Variants in MYO5A observed in about 807,000 individuals in gnomAD.
MYO5A encodes myosin VA.
A neutral mutation model predicts 249.7 loss-of-function variants in MYO5A; 98 were observed. The ratio of observed to expected loss-of-function variants is 0.39; its 90% CI spans 0.33 to 0.46. The LOEUF (loss-of-function observed/expected upper bound fraction) is 0.46. Among genes scored for constraint, MYO5A ranks in the 20% least tolerant of loss-of-function variants. MYO5A has a pLI of 0.98. For synonymous variants in MYO5A, 778 were observed against 810.6 expected (o/e 0.96, Z 0.68); for missense variants, 1,696 against 2,308.8 (o/e 0.73, Z 5.44).
At chr15:52,408,211 G>T in intron 6 of MYO5A, 71 bp from the exon 7 acceptor site, 1 of 865,886 alleles carries the variant, frequency 1.2e-6, no homozygotes, top group South Asian at 1.5e-5. Context: ...CATAAAATAA[G>T]ATTTTAATAT....
intron 35 of MYO5A, among the ~76,000 whole-genome samples, chr15:52,329,365 G>A (rs542138242): frequency 1.6e-3 from 249 of 152,292 alleles, no homozygotes; most frequent in African/African-American, 5.7e-3. Context: ...GGCACCTGGC[G>A]GGAGGAATGC....
Position 52,471,499 on chromosome 15 carries a change from A to G in MYO5A, c.28-38214T>C, listed in dbSNP as rs1457902231. On this transcript the variant is annotated intron_variant, in intron 1 of 41. Coordinates refer to ENST00000399233, the MANE Select transcript of MYO5A (RefSeq NM_001382347.1). ...GCCAGGCATGGTAGTGTGCACCTGT[A>G]GTCCCAGCTACTTGGGACACTGAGG... Among the ~76,000 whole-genome samples the G allele has an allele frequency of 3.3e-5, 5 of 152,016 alleles. No homozygotes were observed. The East Asian group carries it at 7.7e-4, about 24-fold the overall frequency.
chr15:52,343,006 C>T lies in MYO5A; in HGVS notation c.4040+111G>A, dbSNP rs2039451581. Reference sequence around the variant, plus strand: ...TAACACAATTACTAACACTAATTTACCCAAGAAGACAATCAATGCACAAGA... The same window carrying T: ...TAACACAATTACTAACACTAATTTATCCAAGAAGACAATCAATGCACAAGA... On this transcript the variant is annotated intron_variant, in intron 31 of 41. Transcript: ENST00000399233. The T allele has an allele frequency of 4.6e-6, 4 of 866,572 alleles. No individual in the cohort carries two copies. In the African/African-American group the frequency reaches 5.0e-5, roughly 11 times the overall value. The allele number at this position is 866,572 out of a possible 1,614,324, so 53.7% of individuals were successfully genotyped here. A position where few individuals can be genotyped will look rare whatever the true frequency, so the allele number is the denominator to read the frequency against.
intron 1 of MYO5A, among the ~76,000 whole-genome samples, chr15:52,449,518 C>T (rs1400496293): frequency 1.3e-5 from 2 of 152,196 alleles, no homozygotes; most frequent in Non-Finnish European, 2.9e-5. Flanking sequence ...GCTCACCTTT[C>T]AGCAGTGTTT....
At chr15:52,489,344 C>G (rs559607719) in intron 1 of MYO5A, among the ~76,000 whole-genome samples, 2 of 151,248 alleles carry the variant, frequency 1.3e-5, no homozygotes, top group Non-Finnish European at 3.0e-5. Context: ...GCGGGCGGAT[C>G]ACGAGGTCAG....
intron 1 of MYO5A, among the ~76,000 whole-genome samples, chr15:52,507,999 A>C (rs2077310572): frequency 1.3e-5 from 2 of 152,154 alleles, no homozygotes; most frequent in Non-Finnish European, 2.9e-5. Flanking sequence ...CTAATCTCTC[A>C]ACTGCCCTAT....
chr15:52,375,198 C>A, intron 20 of MYO5A, 106 bp downstream of exon 20: 1 of 1,167,470 alleles, frequency 8.6e-7, no homozygotes, highest in Non-Finnish European at 1.3e-6. Context: ...CTGGTTGTCC[C>A]CATACAGTTC....
At chr15:52,499,779 T>C (rs2077115435) in intron 1 of MYO5A, among the ~76,000 whole-genome samples, 1 of 152,262 alleles carries the variant, frequency 6.6e-6, no homozygotes, top group East Asian at 1.9e-4. Context: ...TTGTGAATAA[T>C]GCTACTGTGA....
In MYO5A at chr15:52,497,946, A is replaced by G. The variant is rs537727154; in HGVS notation, c.27+30834T>C. The stretch of plus-strand genomic sequence containing the variant: ...ATATCAAAACCTGAGGAATATAGCC[A>G]AAGTGTTGCTTCGAGGGAAATTTAC... On this transcript the variant is annotated intron_variant, in intron 1 of 41. Coordinates refer to ENST00000399233, the MANE Select transcript of MYO5A (RefSeq NM_001382347.1). Among the ~76,000 whole-genome samples, 6 of 152,212 alleles carry G rather than the reference A, an allele frequency of 3.9e-5. No individual in the cohort carries two copies. The East Asian group carries it at 9.6e-4, about 24-fold the overall frequency.
chr15:52,399,708 C>T (rs990094842), intron 9 of MYO5A, among the ~76,000 whole-genome samples: 1 of 151,748 alleles, frequency 6.6e-6, no homozygotes, highest in African/African-American at 2.4e-5. Flanking sequence ...GCTTTGTGCA[C>T]ATGTACACAA....
chr15:52,347,321 G>A (rs1189318032), intron 29 of MYO5A, among the ~76,000 whole-genome samples: 1 of 152,070 alleles, frequency 6.6e-6, no homozygotes, highest in Non-Finnish European at 1.5e-5. Context: ...TTCAGTACAT[G>A]TATCCCAAAA....
intron 40 of MYO5A, among the ~76,000 whole-genome samples, chr15:52,316,771 A>C (rs1284504585): frequency 6.6e-6 from 1 of 152,222 alleles, no homozygotes; most frequent in Non-Finnish European, 1.5e-5. Context: ...TGTTTTGCCT[A>C]TGGGTGTATC....
At chr15:52,364,338 A>G (rs189610029) in intron 24 of MYO5A, among the ~76,000 whole-genome samples, 1 of 152,306 alleles carries the variant, frequency 6.6e-6, no homozygotes, top group African/African-American at 2.4e-5. Flanking sequence ...AGTACTTGTG[A>G]ATAAAATTAT....
intron 1 of MYO5A, among the ~76,000 whole-genome samples, chr15:52,481,107 G>A (rs1025628660): frequency 6.6e-6 from 1 of 152,196 alleles, no homozygotes; most frequent in African/African-American, 2.4e-5. Flanking sequence ...TTGGAGGTTA[G>A]AACTAGCATT....
chr15:52,314,743 CAATT>C (rs1201778995), intron 40 of MYO5A, among the ~76,000 whole-genome samples: 2 of 152,210 alleles, frequency 1.3e-5, no homozygotes, highest in African/African-American at 4.8e-5. Flanking sequence ...AGAAATTAAT[CAATT>C]AGAGAGTATG....
intron 1 of MYO5A, among the ~76,000 whole-genome samples, chr15:52,457,878 C>G (rs1260293276): frequency 3.2e-4 from 49 of 152,068 alleles, no homozygotes; most frequent in Admixed American, 3.1e-3. Context: ...ACCGACAGAT[C>G]AACTGATAAA....
intron 18 of MYO5A, among the ~76,000 whole-genome samples, chr15:52,377,279 G>A (rs113821607): frequency 4.6e-4 from 70 of 151,878 alleles, no homozygotes; most frequent in Middle Eastern, 3.4e-3. Context: ...AAAATTAGCC[G>A]GGCATGGTGG....
intron 25 of MYO5A, among the ~76,000 whole-genome samples, chr15:52,359,596 G>C (rs2040417108): frequency 6.6e-6 from 1 of 152,078 alleles, no homozygotes; most frequent in Admixed American, 6.5e-5. Context: ...TACAGCGGTG[G>C]TCCACAGATA....
At chr15:52,437,090 T>C (rs569066708) in intron 1 of MYO5A, among the ~76,000 whole-genome samples, 1 of 152,348 alleles carries the variant, frequency 6.6e-6, no homozygotes, top group South Asian at 2.1e-4. Context: ...ATATCAAACA[T>C]GTTACTGAAA....
Sources: allele counts gnomAD v4.1 joint callset (sites outside exome capture counted in the v4.1 genomes callset), GRCh38; gene constraint gnomAD v4.1.1; transcripts MANE v1.5; gene names NCBI Gene and HGNC (gene_info 2026-07-23, HGNC 2026-07-21).